NDUFAF6: variants seen among roughly 807,000 people sequenced by gnomAD.
The protein encoded by NDUFAF6 is NADH:ubiquinone oxidoreductase complex assembly factor 6.
In NDUFAF6, 45 loss-of-function variants were observed where a neutral mutation model predicts 40.8. The ratio of observed to expected loss-of-function variants is 1.10; its 90% CI spans 0.87 to 1.42. NDUFAF6 has a LOEUF of 1.42. Among genes scored for constraint, NDUFAF6 ranks in the 40% most tolerant of loss-of-function variants. The pLI, the probability that NDUFAF6 is intolerant of heterozygous loss-of-function variation, is 0.00. For synonymous variants in NDUFAF6, 185 were observed against 155.9 expected (o/e 1.19, Z -1.39); for missense variants, 435 against 418.5 (o/e 1.04, Z -0.34).
At chr8:94,942,146 C>T (rs575556904) in intron 1 of NDUFAF6, among the ~76,000 whole-genome samples, 1 of 152,098 alleles carries the variant, frequency 6.6e-6, no homozygotes, top group South Asian at 2.1e-4. Flanking sequence ...ACGCCATTCT[C>T]CTGCCTCAGC....
At chr8:95,100,898 C>G (rs1010275627) in intron 1 of NDUFAF6, among the ~76,000 whole-genome samples, 7 of 152,200 alleles carry the variant, frequency 4.6e-5, no homozygotes, top group Non-Finnish European at 1.0e-4. Flanking sequence ...CCCGACCCCC[C>G]TCGCCCCAAG....
downstream of NDUFAF6, among the ~76,000 whole-genome samples, chr8:95,062,150 G>A (rs113278091): frequency 6.7e-6 from 1 of 148,926 alleles, no homozygotes; most frequent in Non-Finnish European, 1.5e-5. Context: ...GACAGAGACC[G>A]TGGCTCAAAA....
At chr8:95,042,772 TTA>T (rs1388741574) in intron 4 of NDUFAF6, among the ~76,000 whole-genome samples, 1 of 152,214 alleles carries the variant, frequency 6.6e-6, no homozygotes, top group Non-Finnish European at 1.5e-5. Context: ...AAACTGTGTG[TTA>T]CTGATAAAGG....
intron 1 of NDUFAF6, among the ~76,000 whole-genome samples, chr8:94,907,227 C>G (rs1399107279): frequency 6.6e-6 from 1 of 152,226 alleles, no homozygotes; most frequent in Non-Finnish European, 1.5e-5. Context: ...TCAACTCATA[C>G]TGTCTAATAC....
chr8:94,923,461 A>G (rs1819638512), intron 1 of NDUFAF6, among the ~76,000 whole-genome samples: 1 of 152,168 alleles, frequency 6.6e-6, no homozygotes, highest in South Asian at 2.1e-4. Flanking sequence ...CTATACAACT[A>G]GATGCTCAAA....
upstream of NDUFAF6, chr8:95,024,890 C>A (rs1827875264): frequency 1.2e-6 from 1 of 865,482 alleles, no homozygotes; most frequent in Non-Finnish European, 1.5e-6. Flanking sequence ...CTTCTTTGAG[C>A]GGCGTCCAGA....
chr8:94,912,385 AC>A (rs1818839629), intron 1 of NDUFAF6, among the ~76,000 whole-genome samples: 1 of 152,244 alleles, frequency 6.6e-6, no homozygotes, highest in African/African-American at 2.4e-5. Flanking sequence ...ATACAAAACC[AC>A]ACATCACATA....
intron 1 of NDUFAF6, chr8:94,896,639 G>C (rs1304490446): frequency 6.6e-6 from 1 of 152,070 alleles, no homozygotes; most frequent in Non-Finnish European, 1.5e-5. Flanking sequence ...GAGCGAGCCG[G>C]ACGGCGAGCG....
intron 3 of NDUFAF6, among the ~76,000 whole-genome samples, chr8:95,039,904 T>TAA (rs1230099040): frequency 6.6e-6 from 1 of 152,224 alleles, no homozygotes; most frequent in East Asian, 1.9e-4. Flanking sequence ...GCTGGGATTA[T>TAA]AGGCGTGAGT....
chr8:95,025,270 C>T (rs1827963648), intron 1 of NDUFAF6, 65 bp downstream of exon 1: 4 of 1,331,912 alleles, frequency 3.0e-6, no homozygotes, highest in Non-Finnish European at 3.8e-6. Context: ...GCGGCTGCGC[C>T]TCGCGTCTGG....
intron 2 of NDUFAF6, among the ~76,000 whole-genome samples, chr8:95,083,875 G>C (rs967344316): frequency 6.6e-6 from 1 of 152,126 alleles, no homozygotes; most frequent in African/African-American, 2.4e-5. Context: ...CATAAATAAA[G>C]AAAATGCTAC....
intron 1 of NDUFAF6, among the ~76,000 whole-genome samples, chr8:94,935,361 A>G (rs533110436): frequency 5.7e-4 from 87 of 152,322 alleles, no homozygotes; most frequent in African/African-American, 2.0e-3. Context: ...TGTGACTTTC[A>G]GCTAATTAAC....
chr8:94,971,616 C>T (rs1200106127), intron 1 of NDUFAF6, among the ~76,000 whole-genome samples: 1 of 152,174 alleles, frequency 6.6e-6, no homozygotes, highest in Non-Finnish European at 1.5e-5. Context: ...TATTTCTAGA[C>T]TCTTTTATGT....
chr8:94,936,522 C>T (rs543118117), intron 1 of NDUFAF6, among the ~76,000 whole-genome samples: 11 of 152,122 alleles, frequency 7.2e-5, no homozygotes, highest in Admixed American at 2.0e-4. Flanking sequence ...AAAAACAAAT[C>T]GGCTCTGTGG....
At chr8:95,113,823 G>A (rs1810063507) in intron 4 of NDUFAF6, among the ~76,000 whole-genome samples, 1 of 152,128 alleles carries the variant, frequency 6.6e-6, no homozygotes, top group Non-Finnish European at 1.5e-5. Context: ...TCCAGCCTAG[G>A]GGACAGAGAG....
intron 2 of NDUFAF6, among the ~76,000 whole-genome samples, chr8:95,001,220 C>G (rs1299856145): frequency 2.0e-5 from 3 of 152,088 alleles, no homozygotes; most frequent in Non-Finnish European, 4.4e-5. Context: ...CCCCAAAGTG[C>G]TGGGATTACA....
chr8:94,983,165 T>C (rs1490650049), intron 2 of NDUFAF6, among the ~76,000 whole-genome samples: 1 of 151,956 alleles, frequency 6.6e-6, no homozygotes, highest in African/African-American at 2.4e-5. Flanking sequence ...AGATTTTCCA[T>C]GAAGTTAATA....
chr8:95,114,329 T>C (rs764399763), intron 4 of NDUFAF6, among the ~76,000 whole-genome samples: 13 of 152,290 alleles, frequency 8.5e-5, no homozygotes, highest in Admixed American at 3.9e-4. Context: ...AGTGGTTCCC[T>C]GACAGGCAGG....
chr8:95,090,316 C>T (rs914591376), intron 2 of NDUFAF6, among the ~76,000 whole-genome samples: 1 of 152,172 alleles, frequency 6.6e-6, no homozygotes, highest in African/African-American at 2.4e-5. Flanking sequence ...GCACCTGTGA[C>T]TTAAGTATGA....
Sources: gnomAD v4.1 joint callset for allele counts (sites outside exome capture counted in the v4.1 genomes callset) on GRCh38, gnomAD v4.1.1 for gene constraint, MANE v1.5 for transcripts, NCBI Gene and HGNC (gene_info 2026-07-23, HGNC 2026-07-21) for gene names.